Variants in MACROD2 observed in about 807,000 individuals in gnomAD.
The protein encoded by MACROD2 is mono-ADP ribosylhydrolase 2.
A neutral mutation model predicts 70.4 loss-of-function variants in MACROD2; 36 were observed. That is an observed-to-expected ratio of 0.51 (90% CI 0.39 to 0.68). The LOEUF (loss-of-function observed/expected upper bound fraction) is 0.68. Ranked by LOEUF, MACROD2 falls within the 30% of genes least tolerant of loss-of-function variation. MACROD2 has a pLI of 0.00. For synonymous variants in MACROD2, 172 were observed against 178.8 expected (o/e 0.96, Z 0.30); for missense variants, 496 against 538.4 (o/e 0.92, Z 0.78).
intron 9 of MACROD2, among the ~76,000 whole-genome samples, chr20:15,865,556 A>G (rs994196729): frequency 2.6e-5 from 4 of 152,054 alleles, no homozygotes; most frequent in African/African-American, 9.7e-5. Flanking sequence ...GTTTTTTCTA[A>G]TTTGGTCTTA....
chr20:14,854,964 C>T (rs919739536), intron 5 of MACROD2, among the ~76,000 whole-genome samples: 5 of 151,812 alleles, frequency 3.3e-5, no homozygotes, highest in African/African-American at 1.2e-4. Context: ...TGCAGTGAGC[C>T]GAGATCGCAC....
chr20:14,214,965 T>C (rs924345851), intron 3 of MACROD2, among the ~76,000 whole-genome samples: 3 of 148,500 alleles, frequency 2.0e-5, no homozygotes, highest in Non-Finnish European at 4.5e-5. Flanking sequence ...AGTGTTCCAT[T>C]ATATATATAT....
chr20:14,982,145 C>G (rs2074806563), intron 5 of MACROD2, among the ~76,000 whole-genome samples: 1 of 152,098 alleles, frequency 6.6e-6, no homozygotes, highest in Admixed American at 6.5e-5. Context: ...TGTCCCTGCC[C>G]TAGAGATCTG....
At chr20:14,274,264 G>A (rs1166929736) in intron 3 of MACROD2, among the ~76,000 whole-genome samples, 31 of 152,154 alleles carry the variant, frequency 2.0e-4, no homozygotes, top group Non-Finnish European at 4.0e-4. Context: ...CTGGCACACC[G>A]AATCCAGCAG....
intron 3 of MACROD2, among the ~76,000 whole-genome samples, chr20:14,378,519 G>A (rs1442717205): frequency 6.6e-6 from 1 of 152,176 alleles, no homozygotes; most frequent in Non-Finnish European, 1.5e-5. Flanking sequence ...TCACAGCTCA[G>A]CTTTTCTCTA....
At chr20:14,617,166 A>G (rs917618270) in intron 4 of MACROD2, among the ~76,000 whole-genome samples, 1 of 152,124 alleles carries the variant, frequency 6.6e-6, no homozygotes, top group Non-Finnish European at 1.5e-5. Context: ...TTAGAACTCA[A>G]CCTTGGTTTG....
intron 4 of MACROD2, among the ~76,000 whole-genome samples, chr20:14,682,047 G>A (rs2070939009): frequency 6.6e-6 from 1 of 152,110 alleles, no homozygotes; most frequent in Non-Finnish European, 1.5e-5. Context: ...TTATTAAATA[G>A]CTCTTCAGCT....
In MACROD2 at chr20:14,882,169, G is replaced by A. The variant is rs41491648; in HGVS notation, c.418+197210G>A. Among the ~76,000 whole-genome samples, 642 of 152,230 alleles carry A rather than the reference G, an allele frequency of 4.2e-3. 4 individuals carry two copies. The highest frequency in any genetic ancestry group is 0.015 in the African/African-American group (616 of 41,550). ...TCTGCCATAGCCAGGTTTATGCCTT[G>A]CTTCTCACTTGTGATGGACTTTCCA... On this transcript the variant is annotated intron_variant, in intron 5 of 17. Transcript: ENST00000684519.
In MACROD2 at chr20:15,074,460, G is replaced by A. The variant is rs554374430; in HGVS notation, c.419-155480G>A. On this transcript the variant is annotated intron_variant, in intron 5 of 17. Transcript: ENST00000684519. ...TCCCATACTTATTCATTCCTTATCC[G>A]TATCTTTTGTAATGTCCTATAAATT... Among the ~76,000 whole-genome samples, 9 of 152,260 alleles carry A rather than the reference G, an allele frequency of 5.9e-5. No individual in the cohort carries two copies. The East Asian group carries it at 1.2e-3, about 20-fold the overall frequency.
chr20:14,703,609 G>A (rs1426498492), intron 5 of MACROD2, among the ~76,000 whole-genome samples: 2 of 152,188 alleles, frequency 1.3e-5, no homozygotes, highest in Non-Finnish European at 2.9e-5. Flanking sequence ...TAGCGACTAG[G>A]GAGGCTTGAG....
intron 3 of MACROD2, among the ~76,000 whole-genome samples, chr20:14,453,354 C>T (rs1015967754): frequency 2.0e-5 from 3 of 152,130 alleles, no homozygotes; most frequent in Middle Eastern, 3.2e-3. Flanking sequence ...CTGTCATTTC[C>T]TAATAACCCA....
chr20:14,335,250 T>G (rs1889385905), intron 3 of MACROD2, among the ~76,000 whole-genome samples: 1 of 152,188 alleles, frequency 6.6e-6, no homozygotes, highest in Admixed American at 6.5e-5. Flanking sequence ...CATTAGGGTC[T>G]TGTGTCCCTA....
chr20:15,615,501 G>T (rs768645778), intron 8 of MACROD2, among the ~76,000 whole-genome samples: 1 of 152,098 alleles, frequency 6.6e-6, no homozygotes, highest in Non-Finnish European at 1.5e-5. Flanking sequence ...ACTCCCGTGG[G>T]GATGTGTCCA....
intron 5 of MACROD2, among the ~76,000 whole-genome samples, chr20:14,716,590 G>T (rs1330059163): frequency 2.0e-5 from 3 of 152,056 alleles, no homozygotes; most frequent in African/African-American, 7.2e-5. Flanking sequence ...TTCTTTTGTG[G>T]CCTGGAACAA....
intron 5 of MACROD2, among the ~76,000 whole-genome samples, chr20:14,845,785 G>A (rs2073133403): frequency 6.6e-6 from 1 of 152,020 alleles, no homozygotes; most frequent in South Asian, 2.1e-4. Flanking sequence ...TGTCAGAGGA[G>A]GTACAGAGGT....
chr20:14,017,104 C>G (rs554661824), intron 2 of MACROD2, among the ~76,000 whole-genome samples: 1 of 152,190 alleles, frequency 6.6e-6, no homozygotes, highest in African/African-American at 2.4e-5. Flanking sequence ...CTTTGTGATG[C>G]TATTGTAAAT....
At chr20:14,907,808 G>A (rs1432426357) in intron 5 of MACROD2, among the ~76,000 whole-genome samples, 1 of 152,060 alleles carries the variant, frequency 6.6e-6, no homozygotes. Flanking sequence ...ATTGACTATT[G>A]ATTCCCATTT....
chr20:15,515,389 C>T (rs1270452181), intron 8 of MACROD2, among the ~76,000 whole-genome samples: 1 of 152,206 alleles, frequency 6.6e-6, no homozygotes, highest in Admixed American at 6.5e-5. Flanking sequence ...TTGTTGCAAA[C>T]ACATGGCTCT....
At chr20:14,620,864 A>G (rs1028485781) in intron 4 of MACROD2, among the ~76,000 whole-genome samples, 8 of 152,104 alleles carry the variant, frequency 5.3e-5, no homozygotes, top group Non-Finnish European at 7.4e-5. Flanking sequence ...AGATATTTTA[A>G]AGGGAAGATT....
Sources: allele counts gnomAD v4.1 joint callset (sites outside exome capture counted in the v4.1 genomes callset), GRCh38; gene constraint gnomAD v4.1.1; transcripts MANE v1.5; gene names NCBI Gene and HGNC (gene_info 2026-07-23, HGNC 2026-07-21).